MTAP: variants seen among roughly 807,000 people sequenced by gnomAD.
MTAP encodes methylthioadenosine phosphorylase.
Under a neutral mutation model 33.6 loss-of-function variants are expected in MTAP, and 33 were observed. The ratio of observed to expected loss-of-function variants is 0.98; its 90% CI spans 0.74 to 1.31. The LOEUF is 1.31. Ranked by LOEUF, MTAP falls within the 40% of genes most tolerant of loss-of-function variation. The pLI, the probability that MTAP is intolerant of heterozygous loss-of-function variation, is 0.00. For missense variants in MTAP, 367 were observed against 360.0 expected (o/e 1.02, Z -0.16); for synonymous variants, 148 against 125.7 (o/e 1.18, Z -1.19).
chr9:21,905,365 G>A (rs1024949690), intron 1 of MTAP, among the ~76,000 whole-genome samples: 73 of 152,018 alleles, frequency 4.8e-4, no homozygotes, highest in African/African-American at 1.8e-3. Context: ...GATGGGGGGC[G>A]TGGCATTTCC....
chr9:21,874,587 T>A (rs7858538), intron 1 of MTAP, among the ~76,000 whole-genome samples: 3,906 of 152,290 alleles, frequency 0.026, 143 homozygotes, highest in African/African-American at 0.088. Flanking sequence ...TCACCCATTC[T>A]GTAGGTTGCC....
intron 1 of MTAP, among the ~76,000 whole-genome samples, chr9:21,879,689 A>G (rs962496328): frequency 2.0e-5 from 3 of 152,086 alleles, no homozygotes; most frequent in Admixed American, 6.6e-5. Context: ...TTTTCTAAAT[A>G]TAGTGCTCCT....
Position 21,854,622 on chromosome 9 carries a change from C to T in MTAP, c.451-9C>T, listed in dbSNP as rs140931851. 6.5e-7 allele frequency: 1 copy of T among 1,529,628 alleles called. No homozygotes were observed. Among genetic ancestry groups the T allele is most frequent in the Non-Finnish European group, 8.8e-7 (1 of 1,139,842 alleles). The allele number at this position is 1,529,628 out of a possible 1,614,324, so 94.8% of individuals were successfully genotyped here. ...GTATGTTTTGAAGTTTCTGGTTTTT[C>T]TTTTCTAGGTTCTTATAGAGACTGC... On this transcript the variant is annotated splice_polypyrimidine_tract_variant and intron_variant, in intron 5 of 7. Coordinates refer to ENST00000644715, the MANE Select transcript of MTAP (RefSeq NM_002451.4).
At chr9:21,881,439 G>A (rs1818010020) in intron 1 of MTAP, among the ~76,000 whole-genome samples, 1 of 151,926 alleles carries the variant, frequency 6.6e-6, no homozygotes, top group African/African-American at 2.4e-5. Flanking sequence ...AAACTTCTGT[G>A]CATCAAAGGA....
rs74489150 is a variant in MTAP at position 21,889,505 on chromosome 9, T to C, written c.147+34635T>C. On this transcript the variant is annotated intron_variant, in intron 1 of 1. Coordinates refer to the MTAP transcript ENST00000577563. ...GAATTGTTTCTCTGTTTTCTTCTCA[T>C]TTGGGTAGATTATGTCAGAGGAAAG... Among the ~76,000 whole-genome samples, 1,307 of 152,238 alleles carry C rather than the reference T, an allele frequency of 8.6e-3. 11 individuals are homozygous for C. The highest frequency in any genetic ancestry group is 0.03 in the African/African-American group (1,246 of 41,532).
At chr9:21,872,506 T>G (rs890251644) in intron 1 of MTAP, among the ~76,000 whole-genome samples, 8 of 152,238 alleles carry the variant, frequency 5.3e-5, no homozygotes, top group African/African-American at 1.9e-4. Flanking sequence ...CGGTTGATAC[T>G]CATGTCCATC....
chr9:21,915,716 C>T (rs973415239), intron 1 of MTAP, among the ~76,000 whole-genome samples: 1 of 152,042 alleles, frequency 6.6e-6, no homozygotes, highest in African/African-American at 2.4e-5. Context: ...TGAGAATATA[C>T]TGTAAGATAA....
At chr9:21,896,682 G>C (rs1818299367) in intron 1 of MTAP, among the ~76,000 whole-genome samples, 1 of 152,208 alleles carries the variant, frequency 6.6e-6, no homozygotes, top group Non-Finnish European at 1.5e-5. Flanking sequence ...GACTAAACCA[G>C]GAAGAAGTTG....
intron 1 of MTAP, among the ~76,000 whole-genome samples, chr9:21,878,439 T>C (rs186618121): frequency 9.9e-4 from 151 of 152,264 alleles, no homozygotes; most frequent in African/African-American, 3.5e-3. Flanking sequence ...CCTCTAGTTG[T>C]AATTTTAGGT....
intron 5 of MTAP, among the ~76,000 whole-genome samples, chr9:21,850,964 AC>A (rs1475482412): frequency 6.6e-6 from 1 of 152,214 alleles, no homozygotes; most frequent in Admixed American, 6.5e-5. Context: ...GAAGGGAGTT[AC>A]AGTGCTGGCT....
rs182300036 is a variant in MTAP at position 21,825,661 on chromosome 9, G to A, written c.347+7459G>A. Among the ~76,000 whole-genome samples, 872 of 152,286 alleles carry A rather than the reference G, an allele frequency of 5.7e-3. 6 individuals carry two copies. The highest frequency in any genetic ancestry group is 9.7e-3 in the Non-Finnish European group (661 of 68,024). Reference sequence around the variant, plus strand: ...GAGACCAGCTTGGGCAACATAGTGAGACCTTGTCTCTGTAAAAAATAAAAC... The same window carrying A: ...GAGACCAGCTTGGGCAACATAGTGAAACCTTGTCTCTGTAAAAAATAAAAC... On this transcript the variant is annotated intron_variant, in intron 4 of 7. Transcript: ENST00000644715.
intron 4 of MTAP, among the ~76,000 whole-genome samples, chr9:21,826,144 G>A (rs1042714723): frequency 4.0e-5 from 6 of 150,546 alleles, no homozygotes; most frequent in Admixed American, 4.0e-4. Flanking sequence ...ATAATAATCA[G>A]GGACTCTCTA....
chr9:21,931,330 A>G (rs1587306267), downstream of MTAP: 2 of 570,062 alleles, frequency 3.5e-6, no homozygotes, highest in East Asian at 2.9e-5. Flanking sequence ...ATGTTAGAGT[A>G]GGTAATTAGG....
chr9:21,844,901 G>A (rs545821045), intron 5 of MTAP, among the ~76,000 whole-genome samples: 34 of 152,190 alleles, frequency 2.2e-4, no homozygotes, highest in Non-Finnish European at 4.1e-4. Flanking sequence ...GCATGGTAGC[G>A]GGCGCCTGTA....
chr9:21,918,804 C>T (rs1818737340), intron 1 of MTAP, among the ~76,000 whole-genome samples: 1 of 152,174 alleles, frequency 6.6e-6, no homozygotes, highest in South Asian at 2.1e-4. Flanking sequence ...CTTTGCTCCT[C>T]TTTGCCTTCT....
At chr9:21,886,888 TTCTTTTCGCTTAG>T (rs1292175083) in intron 1 of MTAP, among the ~76,000 whole-genome samples, 1 of 152,210 alleles carries the variant, frequency 6.6e-6, no homozygotes, top group Non-Finnish European at 1.5e-5. Flanking sequence ...TTCAGATTTG[TTCTTTTCGCTTAG>T]TCTTGCTTTG....
At chr9:21,894,651 C>T (rs896376919) in intron 1 of MTAP, among the ~76,000 whole-genome samples, 3 of 151,258 alleles carry the variant, frequency 2.0e-5, no homozygotes, top group Admixed American at 6.6e-5. Flanking sequence ...ATGTAAATGA[C>T]GAGTTAATGG....
rs540643325 is a variant in MTAP, at chr9:21,837,109, T to G, written c.348-799T>G. ...AAGAAATTTCCAGGTGACTTGGTGC[T>G]AGATTAATTTTAGCCTCTCTTATGG... On this transcript the variant is annotated intron_variant, in intron 4 of 7. Coordinates refer to ENST00000644715, the MANE Select transcript of MTAP (RefSeq NM_002451.4). 3.5e-4 allele frequency among the ~76,000 whole-genome samples: 53 copies of G among 151,544 alleles called. No homozygotes were observed. The Middle Eastern group carries it at 0.014, about 39-fold the overall frequency.
chr9:21,932,441 A>G (rs1473034696), downstream of MTAP: 6 of 152,312 alleles, frequency 3.9e-5, no homozygotes, highest in Admixed American at 2.0e-4. Context: ...AACTTCTTCA[A>G]TTACTCCTGC....
Sources: gnomAD v4.1 joint callset for allele counts (sites outside exome capture counted in the v4.1 genomes callset) on GRCh38, gnomAD v4.1.1 for gene constraint, MANE v1.5 for transcripts, NCBI Gene and HGNC (gene_info 2026-07-23, HGNC 2026-07-21) for gene names.